The following GPM6A variants were observed in gnomAD, a reference collection of about 807,000 sequenced individuals.
GPM6A encodes neuronal membrane glycoprotein M6-a.
Under a neutral mutation model 32.1 loss-of-function variants are expected in GPM6A, and 7 were observed. The observed-to-expected ratio is 0.22, with a 90% CI of 0.12 to 0.41. The LOEUF is 0.41. Among genes scored for constraint, GPM6A ranks in the 10% least tolerant of loss-of-function variants. The pLI, the probability that GPM6A is intolerant of heterozygous loss-of-function variation, is 1.00. For synonymous variants in GPM6A, 130 were observed against 123.4 expected (o/e 1.05, Z -0.35); for missense variants, 235 against 347.2 (o/e 0.68, Z 2.57).
chr4:175,721,587 GT>G (rs1746138617), intron 1 of GPM6A, among the ~76,000 whole-genome samples: 1 of 152,120 alleles, frequency 6.6e-6, no homozygotes, highest in Admixed American at 6.6e-5. Flanking sequence ...ATAGTTTAAT[GT>G]TTTCCTCAAA....
chr4:175,688,863 GT>G (rs971371936), intron 2 of GPM6A, among the ~76,000 whole-genome samples: 9 of 151,904 alleles, frequency 5.9e-5, no homozygotes, highest in African/African-American at 9.7e-5. Context: ...TTGTTGGTTT[GT>G]TTTTTAGAGA....
chr4:175,928,989 C>G (rs1207017046), intron 1 of GPM6A, among the ~76,000 whole-genome samples: 1 of 152,170 alleles, frequency 6.6e-6, no homozygotes, highest in Non-Finnish European at 1.5e-5. Context: ...TTGAGGAACA[C>G]TTACTTTATT....
At chr4:175,723,877 A>G (rs1746268705) in intron 1 of GPM6A, among the ~76,000 whole-genome samples, 1 of 152,188 alleles carries the variant, frequency 6.6e-6, no homozygotes, top group Non-Finnish European at 1.5e-5. Flanking sequence ...TGTATAATAT[A>G]TTATACTTGT....
At chr4:175,998,417 A>G (rs968911364) in intron 1 of GPM6A, among the ~76,000 whole-genome samples, 2 of 152,132 alleles carry the variant, frequency 1.3e-5, no homozygotes, top group African/African-American at 4.8e-5. Context: ...CTGCCTCTCA[A>G]AGTGCTGAGA....
intron 1 of GPM6A, among the ~76,000 whole-genome samples, chr4:175,753,795 C>T (rs1732427500): frequency 6.6e-6 from 1 of 152,028 alleles, no homozygotes; most frequent in South Asian, 2.1e-4. Context: ...TATGAATCAA[C>T]TAAAATACAA....
chr4:175,778,627 C>CAAAAAAAAAAAAAAAAA (rs34286041), intron 1 of GPM6A, among the ~76,000 whole-genome samples: 3 of 75,206 alleles, frequency 4.0e-5, no homozygotes, highest in African/African-American at 5.1e-5. Flanking sequence ...CTGTATCCAA[C>CAAAAAAAAAAAAAAAAA]AAAAAAAAAA....
In GPM6A at chr4:175,734,361, G is replaced by T. The variant is rs375310280; in HGVS notation, c.38-32594C>A. 5.9e-5 allele frequency among the ~76,000 whole-genome samples: 9 copies of T among 151,980 alleles called. No individual in the cohort carries two copies. The East Asian group carries it at 1.7e-3, about 29-fold the overall frequency. On this transcript the variant is annotated intron_variant, in intron 1 of 6. Coordinates refer to ENST00000393658, the MANE Select transcript of GPM6A (RefSeq NM_201591.3). ...ATTTCCCTGTAAAAAACACTCAGTG[G>T]ATCTCTGTGCAATAATTATTAAGAC...
chr4:175,847,681 C>A (rs924299229), intron 1 of GPM6A, among the ~76,000 whole-genome samples: 2 of 151,970 alleles, frequency 1.3e-5, no homozygotes, highest in South Asian at 4.1e-4. Context: ...GATGGAAGTT[C>A]TTTATTTAAT....
chr4:175,812,096 G>T, intron 1 of GPM6A, 95 bp downstream of exon 1: 1 of 918,372 alleles, frequency 1.1e-6, no homozygotes, highest in South Asian at 1.6e-5. Context: ...TTCCAAGAGA[G>T]AAACATTCAT....
At position 175,770,323 on chromosome 4, in the gene GPM6A, G is replaced by C. The variant is rs1420272635; in HGVS notation, c.37+41868C>G. Among the ~76,000 whole-genome samples the C allele has an allele frequency of 2.6e-5, 4 of 152,180 alleles. No homozygotes were observed. In the East Asian group the frequency reaches 5.8e-4, roughly 22 times the overall value. ...TTACAGGCGTGAGCCACTGCGCCTG[G>C]CCGATGCCTAGATTCTTTTAACAGC... On this transcript the variant is annotated intron_variant, in intron 1 of 6. Coordinates refer to ENST00000393658, the MANE Select transcript of GPM6A (RefSeq NM_201591.3).
intron 3 of GPM6A, among the ~76,000 whole-genome samples, chr4:175,659,086 CTTT>C (rs563940419): frequency 2.1e-5 from 3 of 143,690 alleles, no homozygotes; most frequent in Admixed American, 7.0e-5. Context: ...TTTTGTTTTC[CTTT>C]TTTTTTTTTT....
chr4:175,876,632 A>G (rs1002931099), intron 1 of GPM6A, among the ~76,000 whole-genome samples: 1 of 152,168 alleles, frequency 6.6e-6, no homozygotes, highest in Non-Finnish European at 1.5e-5. Flanking sequence ...TAAGAAGATC[A>G]CACTAAAGAG....
intron 1 of GPM6A, among the ~76,000 whole-genome samples, chr4:175,976,025 A>G (rs1388625186): frequency 1.3e-5 from 2 of 152,134 alleles, no homozygotes; most frequent in African/African-American, 2.4e-5. Context: ...AAATTCAGTG[A>G]TTTAGACTGT....
intron 1 of GPM6A, among the ~76,000 whole-genome samples, chr4:175,928,944 A>T (rs1738936079): frequency 6.6e-6 from 1 of 152,232 alleles, no homozygotes; most frequent in Non-Finnish European, 1.5e-5. Flanking sequence ...TTGTCTGAGA[A>T]TACATTTTAA....
intron 1 of GPM6A, among the ~76,000 whole-genome samples, chr4:175,769,454 A>C (rs1487287606): frequency 2.1e-5 from 3 of 144,554 alleles, no homozygotes; most frequent in Admixed American, 6.7e-5. Context: ...AGATTAGCAA[A>C]TACTTTGTGC....
chr4:175,766,242 A>G lies in GPM6A; in HGVS notation c.37+45949T>C, dbSNP rs192675692. Among the ~76,000 whole-genome samples, 3 of 152,342 alleles carry G rather than the reference A, an allele frequency of 2.0e-5. No individual in the cohort carries two copies. In the East Asian group the frequency reaches 5.8e-4, roughly 29 times the overall value. On this transcript the variant is annotated intron_variant, in intron 1 of 6. Coordinates refer to ENST00000393658, the MANE Select transcript of GPM6A (RefSeq NM_201591.3). ...CATGTAATTAAAATTTTCATAAAATACTAAAATTAGGACTAGTAATTAAAT... is the reference window on the plus strand; with the variant it reads ...CATGTAATTAAAATTTTCATAAAATGCTAAAATTAGGACTAGTAATTAAAT...
intron 1 of GPM6A, among the ~76,000 whole-genome samples, chr4:175,771,468 G>C (rs1215076673): frequency 6.6e-6 from 1 of 151,288 alleles, no homozygotes; most frequent in Non-Finnish European, 1.5e-5. Flanking sequence ...CTACTGAGGA[G>C]GCTGAGGCGG....
In GPM6A at chr4:175,773,936, A is replaced by T. The variant is rs575988168; in HGVS notation, c.37+38255T>A. On this transcript the variant is annotated intron_variant, in intron 1 of 6. Coordinates refer to ENST00000393658, the MANE Select transcript of GPM6A (RefSeq NM_201591.3). Reference sequence around the variant, plus strand: ...TACCATTTCATAAATATTAAAAAATACATCCTTCCAAATAAATTAAATGGA... The same window carrying T: ...TACCATTTCATAAATATTAAAAAATTCATCCTTCCAAATAAATTAAATGGA... 1.1e-3 allele frequency among the ~76,000 whole-genome samples: 162 copies of T among 152,294 alleles called. 1 individual carries two copies. The highest frequency in any genetic ancestry group is 2.1e-3 in the Non-Finnish European group (144 of 67,992).
chr4:175,711,722 G>A, intron 1 of GPM6A, among the ~76,000 whole-genome samples: 1 of 122,990 alleles, frequency 8.1e-6, no homozygotes, highest in East Asian at 2.6e-4. Context: ...GTTTGGGTGG[G>A]GGGTGGGGAG....
Sources: gnomAD v4.1 joint callset for allele counts (sites outside exome capture counted in the v4.1 genomes callset) on GRCh38, gnomAD v4.1.1 for gene constraint, MANE v1.5 for transcripts, NCBI Gene and HGNC (gene_info 2026-07-23, HGNC 2026-07-21) for gene names.